Variants in PRRC2C observed in about 807,000 individuals in gnomAD.
PRRC2C encodes proline rich coiled-coil 2C.
Under a neutral mutation model 317.2 loss-of-function variants are expected in PRRC2C, and 72 were observed. The ratio of observed to expected loss-of-function variants is 0.23; its 90% CI spans 0.19 to 0.28. The LOEUF (loss-of-function observed/expected upper bound fraction) is 0.28. PRRC2C is among the 10% of genes least tolerant of loss of function. The probability of loss-of-function intolerance (pLI) is 1.00; values close to 1 mark genes in which losing one functional copy is unlikely to be tolerated. For missense variants in PRRC2C, 3,074 were observed against 3,459.7 expected (o/e 0.89, Z 2.80); for synonymous variants, 1,296 against 1,205.9 (o/e 1.07, Z -1.55).
chr1:171,503,964 G>A (rs533982833), intron 1 of PRRC2C, among the ~76,000 whole-genome samples: 9 of 152,164 alleles, frequency 5.9e-5, no homozygotes, highest in East Asian at 1.9e-4. Flanking sequence ...GGAAAAACCC[G>A]TCCCCATGAT....
chr1:171,564,354 T>C (rs928374554), intron 20 of PRRC2C, among the ~76,000 whole-genome samples: 7 of 152,180 alleles, frequency 4.6e-5, no homozygotes, highest in Admixed American at 3.3e-4. Context: ...CTAACAGTCA[T>C]TAACTTGACA....
At position 171,569,509 on chromosome 1, in the gene PRRC2C, G is replaced by A. The variant is rs538145645; in HGVS notation, c.6651+1170G>A. ...TTTCTTGGTGTTGAGAGCTCTCTAGGAGCTGATTAATGTGATTTGTTCAAC... is the reference window on the plus strand; with the variant it reads ...TTTCTTGGTGTTGAGAGCTCTCTAGAAGCTGATTAATGTGATTTGTTCAAC... On this transcript the variant is annotated intron_variant, in intron 23 of 34. Coordinates refer to ENST00000647382, the MANE Select transcript of PRRC2C (RefSeq NM_001387844.1). Among the ~76,000 whole-genome samples, 497 of 143,772 alleles carry A rather than the reference G, an allele frequency of 3.5e-3. 5 individuals carry two copies. Among genetic ancestry groups the A allele is most frequent in the African/African-American group, 0.011 (448 of 39,334 alleles). 94.3% of individuals were successfully genotyped at this position (143,772 alleles called of 152,430 possible).
chr1:171,566,877 A>G lies in PRRC2C; in HGVS notation c.6558+34A>G, dbSNP rs1165186284. Reference sequence around the variant, plus strand: ...CATGTAGGGATTACCAGTTCAACAGATGCAAGCCATGTCTAAAATGAACGA... The same window carrying G: ...CATGTAGGGATTACCAGTTCAACAGGTGCAAGCCATGTCTAAAATGAACGA... On this transcript the variant is annotated intron_variant, in intron 22 of 34. Coordinates refer to ENST00000647382, the MANE Select transcript of PRRC2C (RefSeq NM_001387844.1). 4 of 1,566,356 alleles carry G rather than the reference A, an allele frequency of 2.6e-6. No individual in the cohort carries two copies. The African/African-American group carries it at 4.1e-5, about 16-fold the overall frequency.
At chr1:171,576,827 C>T (rs895355743) in intron 25 of PRRC2C, among the ~76,000 whole-genome samples, 5 of 151,876 alleles carry the variant, frequency 3.3e-5, no homozygotes, top group South Asian at 2.1e-4. Flanking sequence ...CAAGTAGCTG[C>T]GACTACAGGC....
intron 19 of PRRC2C, among the ~76,000 whole-genome samples, chr1:171,559,875 G>A (rs1240567837): frequency 2.0e-5 from 3 of 152,028 alleles, no homozygotes; most frequent in Admixed American, 6.6e-5. Context: ...GGGGAAAAAT[G>A]CTCAAAAGCT....
intron 1 of PRRC2C, among the ~76,000 whole-genome samples, chr1:171,502,347 A>G (rs1669276254): frequency 6.6e-6 from 1 of 152,208 alleles, no homozygotes; most frequent in South Asian, 2.1e-4. Context: ...ATTGCCTGGC[A>G]TGGGGCCTTG....
chr1:171,487,338 G>T (rs1283421686), intron 1 of PRRC2C, among the ~76,000 whole-genome samples: 1 of 152,100 alleles, frequency 6.6e-6, no homozygotes, highest in Admixed American at 6.5e-5. Flanking sequence ...AACCCAAAGG[G>T]GATGCTCTAA....
At chr1:171,557,108 A>T (rs1681603118) in intron 18 of PRRC2C, 132 bp from the exon 19 acceptor site, 4 of 1,416,522 alleles carry the variant, frequency 2.8e-6, no homozygotes. Context: ...AGCAACCCTG[A>T]CATTTTGTGG....
intron 13 of PRRC2C, 35 bp downstream of exon 13, chr1:171,535,632 T>C (rs375588309): frequency 1.2e-5 from 19 of 1,599,294 alleles, no homozygotes; most frequent in Admixed American, 1.7e-5. Context: ...GTATGTGTGA[T>C]TGAAGTGGTT....
chr1:171,589,644 T>G (rs1293220889), intron 34 of PRRC2C, 39 bp downstream of exon 34: 18 of 1,250,638 alleles, frequency 1.4e-5, no homozygotes, highest in Non-Finnish European at 1.6e-5. Context: ...CAAGAATCTG[T>G]CTCTGAACCA....
intron 17 of PRRC2C, among the ~76,000 whole-genome samples, chr1:171,546,327 A>T (rs1187631639): frequency 3.3e-5 from 5 of 152,266 alleles, no homozygotes; most frequent in Non-Finnish European, 5.9e-5. Flanking sequence ...GAAATACTGA[A>T]TAAAATTGAG....
In PRRC2C at chr1:171,568,240, T is replaced by G; in HGVS notation, c.6559-7T>G. The G allele has an allele frequency of 6.3e-7, 1 of 1,593,882 alleles. No individual in the cohort carries two copies. The highest frequency in any genetic ancestry group is 2.2e-5 in the East Asian group (1 of 44,648). On this transcript the variant is annotated splice_region_variant and splice_polypyrimidine_tract_variant and intron_variant, in intron 22 of 34. Coordinates refer to ENST00000647382, the MANE Select transcript of PRRC2C (RefSeq NM_001387844.1). Reference sequence around the variant, plus strand: ...AAATGTATTTTTTTTCTATTACTACTTCACAGGAGTCTGTAACAGACTATA... The same window carrying G: ...AAATGTATTTTTTTTCTATTACTACGTCACAGGAGTCTGTAACAGACTATA...
At chr1:171,513,693 G>T (rs1339090704) in intron 3 of PRRC2C, among the ~76,000 whole-genome samples, 8 of 152,040 alleles carry the variant, frequency 5.3e-5, no homozygotes, top group Non-Finnish European at 1.2e-4. Context: ...GATTTTGCCA[G>T]ACTCTTAGCT....
At chr1:171,494,624 A>T (rs1667768967) in intron 1 of PRRC2C, among the ~76,000 whole-genome samples, 1 of 152,118 alleles carries the variant, frequency 6.6e-6, no homozygotes, top group South Asian at 2.1e-4. Flanking sequence ...CCATCTGATG[A>T]TTAGTAGGTT....
At chr1:171,499,718 C>A (rs868255352) in intron 1 of PRRC2C, among the ~76,000 whole-genome samples, 1 of 152,064 alleles carries the variant, frequency 6.6e-6, no homozygotes, top group African/African-American at 2.4e-5. Context: ...GCAGGAGAAT[C>A]GCTTGAACCT....
intron 11 of PRRC2C, among the ~76,000 whole-genome samples, chr1:171,528,720 C>T (rs1280645281): frequency 1.3e-5 from 2 of 152,194 alleles, no homozygotes; most frequent in Non-Finnish European, 2.9e-5. Flanking sequence ...TCAGTGATGA[C>T]TTCCATCTTG....
rs1651793009 is a variant in PRRC2C, at chr1:171,593,425, CA to C, written c.*1579del. 1 of 151,844 alleles carries C rather than the reference CA, an allele frequency of 6.6e-6. No homozygotes were observed. Among genetic ancestry groups the C allele is most frequent in the Non-Finnish European group, 1.5e-5 (1 of 67,994 alleles). The allele number at this position is 151,844 out of a possible 1,614,324, so 9.4% of individuals were successfully genotyped here. A position where few individuals can be genotyped will look rare whatever the true frequency, so the allele number is the denominator to read the frequency against. On this transcript the variant is annotated 3_prime_UTR_variant, in exon 35 of 35. Transcript: ENST00000647382. ...TAAACTTAATTTTTTTCCATTTGTA[CA>C]GGGGTAACGCACTGTATTAAATATG...
chr1:171,511,526 T>C (rs1671390023), intron 1 of PRRC2C: 1 of 152,222 alleles, frequency 6.6e-6, no homozygotes, highest in Non-Finnish European at 1.5e-5. Flanking sequence ...TGAGATGTTT[T>C]ACCTTTTACG....
rs768893260 is a variant in PRRC2C at position 171,579,913 on chromosome 1, C to T, written c.7358C>T (p.Pro2453Leu). 2.5e-6 allele frequency: 4 copies of T among 1,597,484 alleles called. No homozygotes were observed. The highest frequency in any genetic ancestry group is 3.4e-6 in the Non-Finnish European group (4 of 1,173,852). Reference protein sequence around the residue: ...HQAQLSLGAGPAVSQAQELFS... With the variant: ...HQAQLSLGAGLAVSQAQELFS... ...GCCCAACTGAGTTTGGGGGCTGGCC[C>T]TGCTGTTTCCCAGGCTCAGGAATTG... The change falls in exon 28 of 35, where the codon CCT becomes CTT. Residue 2453 changes from proline to leucine, a missense_variant. Physicochemically the swap from Pro to Leu is moderately conservative, Grantham distance 98. Coordinates refer to ENST00000647382, the MANE Select transcript of PRRC2C (RefSeq NM_001387844.1).
Sources: gnomAD v4.1 joint callset for allele counts (sites outside exome capture counted in the v4.1 genomes callset) on GRCh38, gnomAD v4.1.1 for gene constraint, MANE v1.5 for transcripts, NCBI Gene and HGNC (gene_info 2026-07-23, HGNC 2026-07-21) for gene names.